RABGAP1L: variants seen among roughly 807,000 people sequenced by gnomAD.
RABGAP1L encodes rab GTPase-activating protein 1-like.
RABGAP1L carries 63 observed loss-of-function variants against 137.7 expected under a neutral mutation model. The ratio of observed to expected loss-of-function variants is 0.46; its 90% CI spans 0.37 to 0.56. The LOEUF (loss-of-function observed/expected upper bound fraction) is 0.56. RABGAP1L is among the 20% of genes least tolerant of loss of function. RABGAP1L has a pLI of 0.00. For missense variants in RABGAP1L, 1,095 were observed against 1,244.0 expected, an observed-to-expected ratio of 0.88 and a Z score of 1.80; for synonymous variants, 431 against 433.7, an observed-to-expected ratio of 0.99 and a Z score of 0.08.
chr1:174,185,928 A>T (rs771610842), intron 1 of RABGAP1L, among the ~76,000 whole-genome samples: 44 of 152,086 alleles, frequency 2.9e-4, no homozygotes, highest in Non-Finnish European at 5.6e-4. Context: ...CGGATCACCT[A>T]AGGTCGGGAG....
chr1:174,860,929 A>G (rs908136555), intron 19 of RABGAP1L, among the ~76,000 whole-genome samples: 22 of 151,942 alleles, frequency 1.4e-4, no homozygotes, highest in African/African-American at 5.1e-4. Context: ...GTGTGTGTGT[A>G]TGTGTGTGGT....
chr1:174,416,194 A>G lies in RABGAP1L; in HGVS notation c.1710+22049A>G, dbSNP rs565247701. Among the ~76,000 whole-genome samples, 10 of 152,006 alleles carry G rather than the reference A, an allele frequency of 6.6e-5. No homozygotes were observed. The South Asian group carries it at 2.1e-3, about 32-fold the overall frequency. On this transcript the variant is annotated intron_variant, in intron 13 of 25. Transcript: ENST00000681986. ...AAAAAGATTATGCTTAACTATTACT[A>G]TGAAGAGAATAATTGTTCATCCCAG...
chr1:174,314,053 C>T (rs749011833), intron 11 of RABGAP1L, among the ~76,000 whole-genome samples: 36 of 152,088 alleles, frequency 2.4e-4, no homozygotes, highest in Admixed American at 7.2e-4. Flanking sequence ...AGAGTTCCCT[C>T]GTCCTCTGTT....
At chr1:174,166,843 C>T (rs756665562) in intron 1 of RABGAP1L, among the ~76,000 whole-genome samples, 4 of 152,140 alleles carry the variant, frequency 2.6e-5, no homozygotes, top group Non-Finnish European at 4.4e-5. Flanking sequence ...CTTAATAGCT[C>T]ATCATGGAAG....
chr1:174,265,956 G>C (rs957144950), intron 7 of RABGAP1L, among the ~76,000 whole-genome samples: 6 of 152,104 alleles, frequency 3.9e-5, no homozygotes, highest in African/African-American at 1.2e-4. Flanking sequence ...ATCTAAGATA[G>C]ATAGTTAGTT....
chr1:174,470,784 C>A (rs897063224), intron 13 of RABGAP1L, among the ~76,000 whole-genome samples: 3 of 150,828 alleles, frequency 2.0e-5, no homozygotes, highest in Admixed American at 6.6e-5. Context: ...AAAAAAAAAT[C>A]AAAATAAAAA....
chr1:174,304,401 G>T (rs1286757876), intron 10 of RABGAP1L, among the ~76,000 whole-genome samples: 1 of 151,496 alleles, frequency 6.6e-6, no homozygotes, highest in African/African-American at 2.4e-5. Context: ...TGTATAAAAT[G>T]ATTCGATTTG....
At chr1:174,867,753 C>A (rs1010458611) in intron 19 of RABGAP1L, among the ~76,000 whole-genome samples, 1 of 152,154 alleles carries the variant, frequency 6.6e-6, no homozygotes, top group Non-Finnish European at 1.5e-5. Context: ...TCAAGCAATT[C>A]TCCTGCCTTA....
intron 13 of RABGAP1L, among the ~76,000 whole-genome samples, chr1:174,584,247 C>T (rs1668950281): frequency 6.6e-6 from 1 of 152,092 alleles, no homozygotes. Context: ...TATTTTTTGG[C>T]AGTCTGTGGG....
intron 13 of RABGAP1L, among the ~76,000 whole-genome samples, chr1:174,484,157 T>G (rs1364937720): frequency 6.6e-6 from 1 of 152,226 alleles, no homozygotes; most frequent in Non-Finnish European, 1.5e-5. Flanking sequence ...TGATCAGTGA[T>G]ATTGATTACC....
intron 13 of RABGAP1L, among the ~76,000 whole-genome samples, chr1:174,564,880 A>G (rs139787397): frequency 1.0e-3 from 157 of 152,276 alleles, no homozygotes; most frequent in African/African-American, 3.4e-3. Flanking sequence ...AACACATACC[A>G]AGGATTAGCT....
At chr1:174,608,700 T>A (rs1670965999) in intron 13 of RABGAP1L, among the ~76,000 whole-genome samples, 1 of 152,128 alleles carries the variant, frequency 6.6e-6, no homozygotes, top group Admixed American at 6.6e-5. Flanking sequence ...TATTTGAGGG[T>A]AACGGGACAA....
chr1:174,319,507 TC>T (rs1341983197), intron 11 of RABGAP1L, among the ~76,000 whole-genome samples: 1 of 152,180 alleles, frequency 6.6e-6, no homozygotes, highest in Non-Finnish European at 1.5e-5. Flanking sequence ...TTTTATTTCT[TC>T]CTTCTCAATC....
intron 19 of RABGAP1L, among the ~76,000 whole-genome samples, chr1:174,908,795 C>T (rs1411421476): frequency 1.3e-5 from 2 of 150,682 alleles, no homozygotes; most frequent in African/African-American, 2.4e-5. Flanking sequence ...CTGCCCACCT[C>T]GGCCTCCCCA....
intron 14 of RABGAP1L, among the ~76,000 whole-genome samples, chr1:174,648,092 CTT>C (rs1245471503): frequency 6.6e-6 from 1 of 151,968 alleles, no homozygotes; most frequent in African/African-American, 2.4e-5. Context: ...ATTCTTCTCT[CTT>C]TTCTTTTTTA....
At chr1:174,501,359 G>A (rs895878232) in intron 13 of RABGAP1L, among the ~76,000 whole-genome samples, 7 of 151,738 alleles carry the variant, frequency 4.6e-5, no homozygotes, top group Non-Finnish European at 7.4e-5. Context: ...GACTACAGGC[G>A]ACCTCCTTAA....
rs142276856 is a variant in RABGAP1L at position 174,387,566 on chromosome 1, A to G, written c.1560-6429A>G. On this transcript the variant is annotated intron_variant, in intron 12 of 25. Coordinates refer to ENST00000681986, the MANE Select transcript of RABGAP1L (RefSeq NM_001366446.1). ...TTTTTCTTTTTTTTTTTTGGAAGGT[A>G]ATATTGGAGTAGGAAGAACATTGAT... Among the ~76,000 whole-genome samples the G allele has an allele frequency of 1.2e-3, 176 of 150,318 alleles. 1 individual carries two copies. The highest frequency in any genetic ancestry group is 4.2e-3 in the African/African-American group (172 of 40,554).
intron 19 of RABGAP1L, among the ~76,000 whole-genome samples, chr1:174,933,555 T>C (rs1664222800): frequency 6.6e-6 from 1 of 152,184 alleles, no homozygotes; most frequent in South Asian, 2.1e-4. Flanking sequence ...TCTCCAAATG[T>C]GATCTCTAGA....
At chr1:174,508,878 C>T (rs1445102464) in intron 13 of RABGAP1L, among the ~76,000 whole-genome samples, 2 of 151,948 alleles carry the variant, frequency 1.3e-5, no homozygotes, top group African/African-American at 4.8e-5. Flanking sequence ...GTATAATAAG[C>T]AAGTCCTGTT....
Sources: allele counts gnomAD v4.1 joint callset (sites outside exome capture counted in the v4.1 genomes callset), GRCh38; gene constraint gnomAD v4.1.1; transcripts MANE v1.5; gene names NCBI Gene and HGNC (gene_info 2026-07-23, HGNC 2026-07-21).